Variants in APOO observed in about 807,000 individuals in gnomAD.
APOO encodes the protein apolipoprotein O, also known as MICOS complex subunit MIC26.
APOO carries 11 observed loss-of-function variants against 23.1 expected under a neutral mutation model. The observed-to-expected ratio is 0.48, with a 90% CI of 0.30 to 0.79. The LOEUF is 0.79. APOO is among the 30% of genes least tolerant of loss of function. The pLI is 0.07. For missense variants in APOO, 160 were observed against 142.7 expected (o/e 1.12, Z -0.62); for synonymous variants, 59 against 54.8 (o/e 1.08, Z -0.34).
At chrX:23,853,123 T>C (rs1924620887) in intron 7 of APOO, among the ~76,000 whole-genome samples, 1 of 110,814 alleles carries the variant, frequency 9.0e-6, no homozygotes, top group South Asian at 3.8e-4. Flanking sequence ...CTGGGTGTTG[T>C]GGTGTGCGCC....
At chrX:23,874,689 CCAAA>C (rs1382788160) in intron 3 of APOO, among the ~76,000 whole-genome samples, 3 of 111,564 alleles carry the variant, frequency 2.7e-5, no homozygotes, top group South Asian at 3.7e-4. Flanking sequence ...GAAGCAGATT[CCAAA>C]CAGAGTGGTT....
chrX:23,862,445 T>C (rs1029292860), intron 5 of APOO, among the ~76,000 whole-genome samples: 2 of 109,716 alleles, frequency 1.8e-5, no homozygotes, highest in African/African-American at 6.6e-5. Flanking sequence ...AATTAATGCG[T>C]TGAGGAAGGA....
rs1053642866 is a variant in APOO, at chrX:23,867,730, G to A, written c.388+863C>T. The stretch of plus-strand genomic sequence containing the variant: ...GCTAATTTTTTGCATTTTTAGTAGA[G>A]ACGGGGTTTCACCGTGTTAGCCAGG... On this transcript the variant is annotated intron_variant, in intron 5 of 8. Coordinates refer to ENST00000379226, the MANE Select transcript of APOO (RefSeq NM_024122.5). Among the ~76,000 whole-genome samples, 11 of 110,666 alleles carry A rather than the reference G, an allele frequency of 9.9e-5. No individual in the cohort carries two copies. In the Admixed American group the frequency reaches 1.1e-3, roughly 11 times the overall value.
At chrX:23,851,926 T>C (rs1054672698) in intron 7 of APOO, among the ~76,000 whole-genome samples, 2 of 111,704 alleles carry the variant, frequency 1.8e-5, no homozygotes, top group Non-Finnish European at 1.9e-5. Flanking sequence ...GTTTTATGTA[T>C]GTATGTATGT....
At chrX:23,859,981 C>G (rs1328136757) in intron 5 of APOO, among the ~76,000 whole-genome samples, 2 of 111,391 alleles carry the variant, frequency 1.8e-5, no homozygotes, top group African/African-American at 6.5e-5. Context: ...TCTCCCCTTT[C>G]TGCAACCCCG....
intron 7 of APOO, among the ~76,000 whole-genome samples, chrX:23,852,389 G>T (rs1285573485): frequency 1.4e-4 from 15 of 110,259 alleles, no homozygotes; most frequent in African/African-American, 4.9e-4. Flanking sequence ...ACGAGGTCAG[G>T]AGATCAAGAC....
At chrX:23,859,673 C>T (rs1286140079) in intron 5 of APOO, among the ~76,000 whole-genome samples, 2 of 111,237 alleles carry the variant, frequency 1.8e-5, no homozygotes, top group East Asian at 5.6e-4. Flanking sequence ...GAACTCCTGA[C>T]CTCAGGTGAT....
At chrX:23,891,384 G>A (rs993968226) in intron 1 of APOO, among the ~76,000 whole-genome samples, 16 of 110,960 alleles carry the variant, frequency 1.4e-4, no homozygotes, top group African/African-American at 4.3e-4. Flanking sequence ...CCGCCACCAC[G>A]CTCAGCTAAT....
At chrX:23,838,368 A>AAAAT (rs1327593452) in intron 8 of APOO, among the ~76,000 whole-genome samples, 7 of 103,874 alleles carry the variant, frequency 6.7e-5, no homozygotes, top group Non-Finnish European at 2.0e-5. Flanking sequence ...AAAAAAAAAA[A>AAAAT]AAAAAAAAAG....
intron 4 of APOO, among the ~76,000 whole-genome samples, chrX:23,870,360 CTG>C (rs1820476045): frequency 9.0e-6 from 1 of 111,687 alleles, no homozygotes; most frequent in Non-Finnish European, 1.9e-5. Flanking sequence ...CTATAGTACC[CTG>C]TGTTTAATTA....
At chrX:23,843,458 A>ATT (rs5901740) in intron 7 of APOO, among the ~76,000 whole-genome samples, 31 of 107,065 alleles carry the variant, frequency 2.9e-4, no homozygotes, top group African/African-American at 1.0e-3. Context: ...GCCAGAAATC[A>ATT]TTTTTTTTTG....
intron 2 of APOO, 109 bp downstream of exon 2, chrX:23,880,736 A>G (rs1236552952): frequency 1.8e-5 from 5 of 284,175 alleles, no homozygotes; most frequent in Non-Finnish European, 2.9e-5. Flanking sequence ...ATAAATAAAT[A>G]AATGTATTTT....
intron 5 of APOO, among the ~76,000 whole-genome samples, chrX:23,868,244 C>G (rs967185305): frequency 8.9e-6 from 1 of 112,087 alleles, no homozygotes; most frequent in Non-Finnish European, 1.9e-5. Flanking sequence ...AATCACTGCT[C>G]TATCTACTGT....
chrX:23,859,104 T>C (rs959165298), intron 5 of APOO, among the ~76,000 whole-genome samples: 2 of 111,463 alleles, frequency 1.8e-5, no homozygotes, highest in African/African-American at 6.5e-5. Flanking sequence ...AGACCGTGTC[T>C]CTTAAGAAAC....
At chrX:23,890,049 C>G (rs1446203183) in intron 1 of APOO, among the ~76,000 whole-genome samples, 1 of 111,380 alleles carries the variant, frequency 9.0e-6, no homozygotes, top group Non-Finnish European at 1.9e-5. Context: ...AGAATCTATT[C>G]CCAAGATAAG....
chrX:23,880,254 T>C (rs1196955992), intron 2 of APOO, among the ~76,000 whole-genome samples: 1 of 111,132 alleles, frequency 9.0e-6, no homozygotes, highest in East Asian at 2.8e-4. Context: ...TTATAACCTG[T>C]TGGGACACAG....
intron 3 of APOO, among the ~76,000 whole-genome samples, chrX:23,877,254 C>T (rs1255002166): frequency 8.9e-6 from 1 of 112,094 alleles, no homozygotes; most frequent in Non-Finnish European, 1.9e-5. Context: ...GTTTAAAAAT[C>T]TTCTAGAACA....
At chrX:23,897,958 G>A (rs1176420749) in intron 1 of APOO, among the ~76,000 whole-genome samples, 10 of 99,792 alleles carry the variant, frequency 1.0e-4, no homozygotes, top group Non-Finnish European at 2.0e-4. Flanking sequence ...TTGTGCCACT[G>A]CACTCCAGCC....
In APOO at chrX:23,877,651, G is replaced by A. The variant is rs112401088; in HGVS notation, c.237+1264C>T. On this transcript the variant is annotated intron_variant, in intron 3 of 8. Transcript: ENST00000379226. ...GAGCCAGGCATGGTAGCTCGTGCCT[G>A]TAATCCCAGCTACTTGGGAGGCTGA... 3.9e-3 allele frequency among the ~76,000 whole-genome samples: 435 copies of A among 110,400 alleles called. 1 individual carries two copies. The highest frequency in any genetic ancestry group is 0.013 in the African/African-American group (405 of 30,404).
Sources: gnomAD v4.1 joint callset for allele counts (sites outside exome capture counted in the v4.1 genomes callset) on GRCh38, gnomAD v4.1.1 for gene constraint, MANE v1.5 for transcripts, NCBI Gene and HGNC (gene_info 2026-07-23, HGNC 2026-07-21) for gene names.